The following ACSL4 variants were observed in gnomAD, a reference collection of about 807,000 sequenced individuals.
ACSL4 encodes the protein acyl-CoA synthetase long chain family member 4.
ACSL4 carries 9 observed loss-of-function variants against 49.1 expected under a neutral mutation model. That is an observed-to-expected ratio of 0.18 (90% CI 0.11 to 0.32). The LOEUF is 0.32. Ranked by LOEUF, ACSL4 falls within the 10% of genes least tolerant of loss-of-function variation. The pLI is 1.00. For missense variants in ACSL4, 333 were observed against 493.7 expected, an observed-to-expected ratio of 0.67 and a Z score of 3.08; for synonymous variants, 191 against 170.3, an observed-to-expected ratio of 1.12 and a Z score of -0.95.
In ACSL4 at chrX:109,729,490, T is replaced by C. The variant is rs1928262811; in HGVS notation, c.-66+3649A>G. ...CATTCACACATTCCTGGTGGGAATG[T>C]AAAATGGTACAGCCACTCTGGAAAA... is the stretch of plus-strand genomic sequence containing the variant. On this transcript the variant is annotated intron_variant, in intron 1 of 15. Coordinates refer to ENST00000672401, the MANE Select transcript of ACSL4 (RefSeq NM_001318510.2). 3.6e-5 allele frequency among the ~76,000 whole-genome samples: 4 copies of C among 111,861 alleles called. No homozygotes were observed. The South Asian group carries it at 1.5e-3, about 41-fold the overall frequency.
intron 1 of ACSL4, among the ~76,000 whole-genome samples, chrX:109,712,479 G>A (rs1452867045): frequency 1.8e-5 from 2 of 112,085 alleles, no homozygotes; most frequent in South Asian, 7.3e-4. Flanking sequence ...CAGAGTAAGT[G>A]ACAGTGTGTT....
intron 1 of ACSL4, among the ~76,000 whole-genome samples, chrX:109,699,270 G>C (rs181050418): frequency 8.9e-6 from 1 of 111,850 alleles, no homozygotes; most frequent in African/African-American, 3.3e-5. Context: ...GGGAGGCTGC[G>C]GCAGGAGAAT....
chrX:109,647,533 T>G (rs376781955), intron 15 of ACSL4, among the ~76,000 whole-genome samples: 6 of 111,315 alleles, frequency 5.4e-5, no homozygotes, highest in South Asian at 7.5e-4. Context: ...AGTGTGTAGA[T>G]GGAAATTTAT....
intron 1 of ACSL4, among the ~76,000 whole-genome samples, chrX:109,704,422 T>A (rs1052776110): frequency 9.0e-6 from 1 of 111,591 alleles, no homozygotes; most frequent in Non-Finnish European, 1.9e-5. Flanking sequence ...AATTCTATTA[T>A]CATTCATTTT....
chrX:109,717,964 T>C (rs926604440), intron 1 of ACSL4, among the ~76,000 whole-genome samples: 6 of 111,869 alleles, frequency 5.4e-5, no homozygotes, highest in Admixed American at 4.8e-4. Flanking sequence ...TGGATAACCA[T>C]GGTTGAGAGG....
chrX:109,691,123 T>C (rs934195810), intron 2 of ACSL4, among the ~76,000 whole-genome samples: 3 of 112,147 alleles, frequency 2.7e-5, no homozygotes, highest in African/African-American at 9.7e-5. Flanking sequence ...CAAGCAAGGA[T>C]CCATGCATCT....
chrX:109,717,427 T>C (rs1927207356), intron 1 of ACSL4, among the ~76,000 whole-genome samples: 1 of 110,398 alleles, frequency 9.1e-6, no homozygotes, highest in South Asian at 3.9e-4. Context: ...ACTCAGGAGA[T>C]GGAGGTTGCA....
intron 2 of ACSL4, among the ~76,000 whole-genome samples, chrX:109,692,925 CAT>C (rs1431638468): frequency 8.9e-6 from 1 of 112,022 alleles, no homozygotes; most frequent in Non-Finnish European, 1.9e-5. Flanking sequence ...TGTCATCTTA[CAT>C]ATTTATTATA....
chrX:109,655,203 C>T (rs1358060414), intron 15 of ACSL4, among the ~76,000 whole-genome samples: 2 of 111,406 alleles, frequency 1.8e-5, no homozygotes, highest in Non-Finnish European at 3.8e-5. Flanking sequence ...GACTCAATGA[C>T]CAAGGCAAGC....
intron 1 of ACSL4, among the ~76,000 whole-genome samples, chrX:109,722,271 C>T (rs1030901462): frequency 1.8e-5 from 2 of 112,283 alleles, no homozygotes; most frequent in African/African-American, 6.5e-5. Context: ...GTAGCATACA[C>T]ACATACTTGC....
intron 1 of ACSL4, among the ~76,000 whole-genome samples, chrX:109,709,531 A>C (rs1926599814): frequency 8.9e-6 from 1 of 112,669 alleles, no homozygotes; most frequent in Admixed American, 9.4e-5. Flanking sequence ...AATATCATTA[A>C]GTAATTTCAC....
intron 2 of ACSL4, among the ~76,000 whole-genome samples, chrX:109,687,271 T>C (rs1412612573): frequency 1.8e-5 from 2 of 112,302 alleles, no homozygotes; most frequent in Non-Finnish European, 3.8e-5. Context: ...AAAGAAGAGT[T>C]GGTGGTAAGG....
At chrX:109,718,222 A>G (rs1927271261) in intron 1 of ACSL4, among the ~76,000 whole-genome samples, 1 of 112,637 alleles carries the variant, frequency 8.9e-6, no homozygotes, top group Non-Finnish European at 1.9e-5. Flanking sequence ...GCTAGGAATG[A>G]TGCGAAATTG....
chrX:109,670,777 C>T (rs1317975911), intron 9 of ACSL4, among the ~76,000 whole-genome samples: 1 of 111,520 alleles, frequency 9.0e-6, no homozygotes, highest in Non-Finnish European at 1.9e-5. Flanking sequence ...AGGCGCGTGC[C>T]GCCACGCCTG....
intron 1 of ACSL4, among the ~76,000 whole-genome samples, chrX:109,717,507 A>C (rs1480989271): frequency 1.8e-5 from 2 of 111,113 alleles, no homozygotes; most frequent in African/African-American, 6.5e-5. Context: ...AAAACAAAAA[A>C]AAAGAACAAG....
intron 15 of ACSL4, among the ~76,000 whole-genome samples, chrX:109,649,827 C>T (rs1367074190): frequency 9.3e-6 from 1 of 107,198 alleles, no homozygotes; most frequent in Non-Finnish European, 1.9e-5. Context: ...AACAAATTTA[C>T]AAGAAAAAAA....
chrX:109,683,497 CT>C (rs779106858), intron 2 of ACSL4, 122 bp from the exon 3 acceptor site: 1 of 1,173,644 alleles, frequency 8.5e-7, no homozygotes, highest in Non-Finnish European at 1.2e-6. Flanking sequence ...AGTGGAAAGG[CT>C]TCTAAAATGG....
intron 15 of ACSL4, among the ~76,000 whole-genome samples, chrX:109,651,838 A>C (rs946630013): frequency 2.4e-4 from 27 of 112,220 alleles, no homozygotes; most frequent in African/African-American, 8.4e-4. Context: ...TTAAAGCCAA[A>C]AAAATAAAGA....
chrX:109,732,407 A>G (rs781013000), intron 1 of ACSL4, among the ~76,000 whole-genome samples: 62 of 111,530 alleles, frequency 5.6e-4, no homozygotes, highest in African/African-American at 8.5e-4. Flanking sequence ...AGATTTTTCT[A>G]TGTCTATAGA....
Sources: gnomAD v4.1 joint callset for allele counts (sites outside exome capture counted in the v4.1 genomes callset) on GRCh38, gnomAD v4.1.1 for gene constraint, MANE v1.5 for transcripts, NCBI Gene and HGNC (gene_info 2026-07-23, HGNC 2026-07-21) for gene names.